Variants in CDH13 observed in about 807,000 individuals in gnomAD.
CDH13 encodes the protein cadherin-13.
CDH13 carries 24 observed loss-of-function variants against 63.8 expected under a neutral mutation model. The ratio of observed to expected loss-of-function variants is 0.38; its 90% CI spans 0.27 to 0.53. The LOEUF (loss-of-function observed/expected upper bound fraction) is 0.53. CDH13 is among the 20% of genes least tolerant of loss of function. The probability of loss-of-function intolerance (pLI) is 0.85; values close to 1 mark genes in which losing one functional copy is unlikely to be tolerated. For missense variants in CDH13, 1,049 were observed against 903.1 expected (o/e 1.16, Z -2.07); for synonymous variants, 503 against 355.3 (o/e 1.42, Z -4.67).
At chr16:83,071,394 C>G (rs568380094) in intron 3 of CDH13, among the ~76,000 whole-genome samples, 1 of 152,186 alleles carries the variant, frequency 6.6e-6, no homozygotes, top group Non-Finnish European at 1.5e-5. Context: ...GCTCCCCTTC[C>G]TATTAAGAGC....
chr16:83,499,411 G>A (rs868185501), intron 7 of CDH13, among the ~76,000 whole-genome samples: 8 of 152,204 alleles, frequency 5.3e-5, no homozygotes, highest in Non-Finnish European at 7.3e-5. Flanking sequence ...TGAGATGACC[G>A]TCTTCAGATC....
At chr16:83,384,345 A>G (rs1346036176) in intron 6 of CDH13, among the ~76,000 whole-genome samples, 1 of 152,182 alleles carries the variant, frequency 6.6e-6, no homozygotes, top group African/African-American at 2.4e-5. Context: ...CCAGGCTACC[A>G]GCAGGCACTG....
intron 8 of CDH13, among the ~76,000 whole-genome samples, chr16:83,657,609 G>T (rs753339659): frequency 1.2e-4 from 19 of 152,206 alleles, no homozygotes; most frequent in Non-Finnish European, 1.8e-4. Context: ...TGGAGAGGCT[G>T]TGGGCTGGGG....
intron 2 of CDH13, among the ~76,000 whole-genome samples, chr16:82,999,898 C>A (rs1478454351): frequency 6.6e-6 from 1 of 152,050 alleles, no homozygotes; most frequent in Non-Finnish European, 1.5e-5. Flanking sequence ...ACAATTTCAC[C>A]CCCTGAGGGC....
intron 2 of CDH13, among the ~76,000 whole-genome samples, chr16:82,945,766 G>A (rs1298153536): frequency 3.3e-5 from 5 of 152,098 alleles, no homozygotes; most frequent in African/African-American, 1.2e-4. Flanking sequence ...CGTTTTGATA[G>A]GCCAAAAGTA....
intron 2 of CDH13, among the ~76,000 whole-genome samples, chr16:83,024,131 T>C (rs544896217): frequency 1.3e-5 from 2 of 152,266 alleles, no homozygotes; most frequent in Admixed American, 1.3e-4. Flanking sequence ...TAACTGAGGG[T>C]TGGATGGCAA....
chr16:82,969,438 T>C (rs1908362240), intron 2 of CDH13, among the ~76,000 whole-genome samples: 1 of 151,676 alleles, frequency 6.6e-6, no homozygotes, highest in Admixed American at 6.6e-5. Context: ...ATACCTGCCT[T>C]AGGAAATCCC....
chr16:82,984,339 A>G (rs1417975900), intron 2 of CDH13, among the ~76,000 whole-genome samples: 2 of 152,324 alleles, frequency 1.3e-5, no homozygotes, highest in Admixed American at 6.5e-5. Context: ...TGCTATCAGA[A>G]GTTGAATTGC....
chr16:82,896,390 C>T (rs1438927640), intron 2 of CDH13, among the ~76,000 whole-genome samples: 1 of 147,130 alleles, frequency 6.8e-6, no homozygotes, highest in Non-Finnish European at 1.5e-5. Context: ...CTCCTGGACT[C>T]AAGTAATCCT....
At chr16:83,770,366 T>C (rs997748654) in intron 11 of CDH13, among the ~76,000 whole-genome samples, 5 of 152,152 alleles carry the variant, frequency 3.3e-5, no homozygotes, top group Non-Finnish European at 5.9e-5. Context: ...ATTCACTTTA[T>C]AGAATAGCCA....
intron 1 of CDH13, among the ~76,000 whole-genome samples, chr16:82,685,786 G>C (rs1008077223): frequency 6.6e-6 from 1 of 152,186 alleles, no homozygotes; most frequent in Admixed American, 6.5e-5. Context: ...CCAGGGAGAG[G>C]TTTAACCAAG....
chr16:83,105,134 A>G (rs552811813), intron 3 of CDH13, among the ~76,000 whole-genome samples: 1 of 152,178 alleles, frequency 6.6e-6, no homozygotes. Flanking sequence ...CCCAGCATGC[A>G]TTAGCTATTT....
chr16:83,443,716 AAAAAAAAAAAAAAAAAAAAATAT>A (rs1416592152), intron 6 of CDH13, among the ~76,000 whole-genome samples: 1,706 of 92,848 alleles, frequency 0.018, 33 homozygotes, highest in Admixed American at 0.051. Context: ...AAAAAAAAAA[AAAAAAAAAAAAAAAAAAAAATAT>A]ATATATATAT....
chr16:83,392,729 C>T (rs968244445), intron 6 of CDH13, among the ~76,000 whole-genome samples: 5 of 152,096 alleles, frequency 3.3e-5, no homozygotes, highest in East Asian at 1.9e-4. Flanking sequence ...ACAGAACCAG[C>T]GCACGAGGCA....
chr16:83,012,063 C>T (rs1220759357), intron 2 of CDH13, among the ~76,000 whole-genome samples: 2 of 152,108 alleles, frequency 1.3e-5, no homozygotes, highest in Non-Finnish European at 2.9e-5. Context: ...TACCCAGGAC[C>T]ATTTGAAAGT....
At chr16:83,437,608 C>G (rs1016517504) in intron 6 of CDH13, among the ~76,000 whole-genome samples, 5 of 151,924 alleles carry the variant, frequency 3.3e-5, no homozygotes, top group African/African-American at 1.2e-4. Context: ...ACCCAGGAGG[C>G]AGAGGTTGCA....
intron 1 of CDH13, among the ~76,000 whole-genome samples, chr16:82,660,955 G>T (rs935283832): frequency 7.3e-5 from 11 of 151,602 alleles, no homozygotes; most frequent in Non-Finnish European, 1.6e-4. Context: ...AAACTATTAA[G>T]TTCATTGAAG....
intron 2 of CDH13, among the ~76,000 whole-genome samples, chr16:83,005,378 T>A (rs896110091): frequency 2.0e-5 from 3 of 152,304 alleles, no homozygotes; most frequent in African/African-American, 7.2e-5. Flanking sequence ...TCCAGTTCCT[T>A]ACCTCCTGTA....
intron 1 of CDH13, among the ~76,000 whole-genome samples, chr16:82,847,527 T>A (rs1002384865): frequency 7.9e-5 from 12 of 152,232 alleles, no homozygotes; most frequent in African/African-American, 2.7e-4. Context: ...TCTTATCCTT[T>A]CTTCCATTTT....
Sources: gnomAD v4.1 joint callset for allele counts (sites outside exome capture counted in the v4.1 genomes callset) on GRCh38, gnomAD v4.1.1 for gene constraint, MANE v1.5 for transcripts, NCBI Gene and HGNC (gene_info 2026-07-23, HGNC 2026-07-21) for gene names.